The following QSER1 variants were observed in gnomAD, a reference collection of about 807,000 sequenced individuals.
QSER1 encodes the protein glutamine and serine-rich protein 1.
QSER1 carries 49 observed loss-of-function variants against 158.5 expected under a neutral mutation model. The observed-to-expected ratio is 0.31, with a 90% CI of 0.25 to 0.39. QSER1 has a LOEUF of 0.39. Among genes scored for constraint, QSER1 ranks in the 10% least tolerant of loss-of-function variants. The pLI is 1.00. For missense variants in QSER1, 1,754 were observed against 2,010.3 expected, an observed-to-expected ratio of 0.87 and a Z score of 2.44; for synonymous variants, 650 against 715.5, an observed-to-expected ratio of 0.91 and a Z score of 1.46.
Position 32,935,271 on chromosome 11 carries a change from G to GT in QSER1, c.4014dup (p.Asn1339Ter). On this transcript the variant is annotated frameshift_variant, in exon 4 of 13. Transcript: ENST00000650167. LOFTEE classifies it high-confidence loss of function. Reference sequence around the variant, plus strand: ...ACACCTTTAGTGTCTGAAACTGGCGGTAACAGTCCATCAGATAAAGTTGAT... The same window carrying GT: ...ACACCTTTAGTGTCTGAAACTGGCGGTTAACAGTCCATCAGATAAAGTTGAT... 1 of 1,613,808 alleles carries GT rather than the reference G, an allele frequency of 6.2e-7. No individual in the cohort carries two copies. The highest frequency in any genetic ancestry group is 8.5e-7 in the Non-Finnish European group (1 of 1,179,906).
intron 1 of QSER1, among the ~76,000 whole-genome samples, chr11:32,921,802 T>C (rs1291383191): frequency 3.3e-5 from 5 of 152,196 alleles, no homozygotes; most frequent in Admixed American, 6.5e-5. Flanking sequence ...CAAAACAATT[T>C]TGGAAAAAGA....
chr11:32,953,352 T>TTTA (rs1284178173), intron 4 of QSER1, among the ~76,000 whole-genome samples: 2 of 151,806 alleles, frequency 1.3e-5, no homozygotes, highest in South Asian at 2.1e-4. Flanking sequence ...TGTCTTTATT[T>TTTA]TTATTATTAT....
rs1437397849 is a variant in QSER1 at position 32,976,273 on chromosome 11, G to T, written c.5455-61G>T. 7.3e-6 allele frequency: 10 copies of T among 1,363,560 alleles called. No homozygotes were observed. The East Asian group carries it at 2.6e-4, about 35-fold the overall frequency. 84.5% of individuals were successfully genotyped at this position (1,363,560 alleles called of 1,614,324 possible). A position where few individuals can be genotyped will look rare whatever the true frequency, so the allele number is the denominator to read the frequency against. ...AGAAAAAAATAAAATACCAGTACTT[G>T]TAGTTGAACTTAAATATGATGTGAT... On this transcript the variant is annotated intron_variant, in intron 12 of 12. Transcript: ENST00000650167.
chr11:32,931,547 TA>T (rs138124912), intron 3 of QSER1, among the ~76,000 whole-genome samples, 195 bp from the exon 4 acceptor site: 32 of 147,440 alleles, frequency 2.2e-4, no homozygotes, highest in Admixed American at 6.8e-4. Context: ...CCCTGTCTCT[TA>T]AAAAAAAAAG....
chr11:32,966,246 T>A, intron 8 of QSER1, 54 bp from the exon 9 acceptor site: 2 of 1,578,210 alleles, frequency 1.3e-6, no homozygotes, highest in Non-Finnish European at 1.7e-6. Flanking sequence ...GAGAAAAGTG[T>A]TTTTAAAATT....
At chr11:32,943,471 T>G (rs1388735359) in intron 4 of QSER1, among the ~76,000 whole-genome samples, 6 of 151,898 alleles carry the variant, frequency 4.0e-5, no homozygotes, top group Non-Finnish European at 8.8e-5. Flanking sequence ...CAAAGGCCTT[T>G]TCTGCATCTA....
chr11:32,952,916 C>T (rs564957561), intron 4 of QSER1, among the ~76,000 whole-genome samples: 1 of 151,586 alleles, frequency 6.6e-6, no homozygotes, highest in East Asian at 1.9e-4. Flanking sequence ...TATTCTCCTG[C>T]CTCACCCTCC....
At chr11:32,898,733 C>A (rs1414059451) in intron 1 of QSER1, among the ~76,000 whole-genome samples, 2 of 152,148 alleles carry the variant, frequency 1.3e-5, no homozygotes, top group Non-Finnish European at 1.5e-5. Flanking sequence ...GCCACCACAC[C>A]TGGCTAATTT....
At chr11:32,929,032 T>G (rs1852011064) in intron 3 of QSER1, among the ~76,000 whole-genome samples, 1 of 152,118 alleles carries the variant, frequency 6.6e-6, no homozygotes, top group Non-Finnish European at 1.5e-5. Flanking sequence ...CAAAAGAAAA[T>G]CTGTTAATAT....
At chr11:32,963,551 C>T (rs1251085665) in intron 8 of QSER1, among the ~76,000 whole-genome samples, 4 of 152,106 alleles carry the variant, frequency 2.6e-5, no homozygotes, top group Non-Finnish European at 4.4e-5. Context: ...TGGGGTTTCA[C>T]TATGTTGGCC....
chr11:32,953,874 A>G lies in QSER1; in HGVS notation c.4195A>G (p.Thr1399Ala). The G allele has an allele frequency of 1.2e-6, 2 of 1,611,332 alleles. No homozygotes were observed. The highest frequency in any genetic ancestry group is 1.1e-5 in the South Asian group (1 of 90,920). Reference protein sequence around the residue: ...KKKTEALQVATTSPTANTTGT... With the variant: ...KKKTEALQVAATSPTANTTGT... ...TGTTTCAGAAGCCCTACAGGTGGCA[A>G]CTACTAGCCCAACTGCCAATACTAC... Residue 1399 changes from threonine (T) to alanine (A), a missense_variant, in exon 5 of 13, where the codon ACT becomes GCT. Physicochemically the swap from Thr to Ala is moderately conservative, Grantham distance 58. Around this residue, in one of 2 missense-constraint regions of QSER1, gnomAD observed 1,707 missense variants for 1,919.6 expected, o/e 0.89. Transcript: ENST00000650167.
rs572366010 is a variant in QSER1, at chr11:32,966,251, A to T, written c.4970-49A>T. ...TCTCGTTATAGAGAAAAGTGTTTTT[A>T]AAATTGTCAGGAAGGAAAATTTAAT... On this transcript the variant is annotated intron_variant, in intron 8 of 12. Transcript: ENST00000650167. 5 of 1,584,226 alleles carry T rather than the reference A, an allele frequency of 3.2e-6. No homozygotes were observed. In the African/African-American group the frequency reaches 5.5e-5, roughly 17 times the overall value.
chr11:32,898,482 T>TCACACACACACACACACACACACACA (rs71034630), intron 1 of QSER1, among the ~76,000 whole-genome samples: 1 of 142,948 alleles, frequency 7.0e-6, no homozygotes, highest in Non-Finnish European at 1.5e-5. Flanking sequence ...TGAGAACCTG[T>TCACACACACACACACACACACACACA]CACACACACA....
At chr11:32,975,720 G>A (rs747609888) in intron 12 of QSER1, 33 of 971,432 alleles carry the variant, frequency 3.4e-5, no homozygotes, top group Non-Finnish European at 3.9e-5. Context: ...TACTTAGAAT[G>A]GCCTTATCCC....
chr11:32,945,219 G>A (rs1258972774), intron 4 of QSER1, among the ~76,000 whole-genome samples: 2 of 148,350 alleles, frequency 1.3e-5, no homozygotes, highest in African/African-American at 5.0e-5. Context: ...TTTAATTGGA[G>A]CATTTAGTCC....
rs1554932133 is a variant in QSER1 at position 32,964,769 on chromosome 11, C to CACACAT, written c.4970-1526_4970-1525insTACACA. Among the ~76,000 whole-genome samples, 102 of 127,290 alleles carry CACACAT rather than the reference C, an allele frequency of 8.0e-4. 1 individual carries two copies. The highest frequency in any genetic ancestry group is 1.5e-3 in the Non-Finnish European group (95 of 62,158). 83.5% of individuals were successfully genotyped at this position (127,290 alleles called of 152,430 possible). On this transcript the variant is annotated intron_variant, in intron 8 of 12. Transcript: ENST00000650167. ...ACACACACACACACACACACACACA[C>CACACAT]ACACACACACACATACACACACATA...
Position 32,927,825 on chromosome 11 carries a change from A to G in QSER1, c.323-137A>G, listed in dbSNP as rs534179078. 9 of 390,238 alleles carry G rather than the reference A, an allele frequency of 2.3e-5. No individual in the cohort carries two copies. The South Asian group carries it at 9.8e-4, about 42-fold the overall frequency. The allele number at this position is 390,238 out of a possible 1,614,324, so 24.2% of individuals were successfully genotyped here. The stretch of plus-strand genomic sequence containing the variant: ...GCTTGGTCAAATTAATATGTTTACT[A>G]TCAAAATAAAACCATCTGGGGTTGT... On this transcript the variant is annotated intron_variant, in intron 2 of 12. Coordinates refer to ENST00000650167, the MANE Select transcript of QSER1 (RefSeq NM_001076786.3).
intron 1 of QSER1, among the ~76,000 whole-genome samples, chr11:32,907,426 T>G (rs572162250): frequency 2.8e-4 from 43 of 152,370 alleles, no homozygotes; most frequent in African/African-American, 1.0e-3. Context: ...AATAATAGAC[T>G]ATGTTAATAA....
chr11:32,907,179 A>G (rs1006726321), intron 1 of QSER1, among the ~76,000 whole-genome samples: 6 of 152,206 alleles, frequency 3.9e-5, no homozygotes, highest in African/African-American at 1.4e-4. Flanking sequence ...TTAAGCTTCT[A>G]GATGATTTCA....
Sources: gnomAD v4.1 joint callset for allele counts (sites outside exome capture counted in the v4.1 genomes callset) on GRCh38, gnomAD v4.1.1 for gene constraint, gnomAD v4.1.1 regional missense constraint, MANE v1.5 for transcripts, NCBI Gene and HGNC (gene_info 2026-07-23, HGNC 2026-07-21) for gene names.